The following CCSER1 variants were observed in gnomAD, a reference collection of about 807,000 sequenced individuals.
CCSER1 encodes coiled-coil serine rich protein 1.
In CCSER1, 41 loss-of-function variants were observed where a neutral mutation model predicts 82.0. The ratio of observed to expected loss-of-function variants is 0.50; its 90% CI spans 0.39 to 0.65. The LOEUF (loss-of-function observed/expected upper bound fraction) is 0.65. Among genes scored for constraint, CCSER1 ranks in the 30% least tolerant of loss-of-function variants. The probability of loss-of-function intolerance (pLI) is 0.00; values close to 1 mark genes in which losing one functional copy is unlikely to be tolerated. For missense variants in CCSER1, 1,119 were observed against 1,064.2 expected (o/e 1.05, Z -0.72); for synonymous variants, 414 against 383.9 (o/e 1.08, Z -0.92).
chr4:91,305,888 C>T (rs1745030003), intron 10 of CCSER1, among the ~76,000 whole-genome samples: 1 of 151,800 alleles, frequency 6.6e-6, no homozygotes, highest in Admixed American at 6.6e-5. Context: ...ATAAAACCGT[C>T]AGATCTTGTG....
At chr4:91,178,508 T>A (rs1256709194) in intron 10 of CCSER1, among the ~76,000 whole-genome samples, 1 of 152,216 alleles carries the variant, frequency 6.6e-6, no homozygotes, top group Non-Finnish European at 1.5e-5. Flanking sequence ...TGGGTGCATA[T>A]ATATTTAGGA....
intron 1 of CCSER1, among the ~76,000 whole-genome samples, chr4:90,128,070 G>A (rs1396465029): frequency 1.3e-5 from 2 of 152,074 alleles, no homozygotes; most frequent in East Asian, 1.9e-4. Flanking sequence ...CTCCCAGTGC[G>A]CCGCGTGGCC....
At chr4:91,120,343 C>T (rs1020978847) in intron 10 of CCSER1, among the ~76,000 whole-genome samples, 2 of 151,908 alleles carry the variant, frequency 1.3e-5, no homozygotes, top group African/African-American at 2.4e-5. Flanking sequence ...TATATAATTA[C>T]GTGGTCTTAT....
At chr4:90,195,782 C>T (rs186582404) in intron 1 of CCSER1, among the ~76,000 whole-genome samples, 52 of 152,158 alleles carry the variant, frequency 3.4e-4, no homozygotes, top group Admixed American at 3.9e-4. Flanking sequence ...CCAGAAACTA[C>T]GTTTGGCATT....
At chr4:91,412,016 C>G (rs775348614) in intron 10 of CCSER1, among the ~76,000 whole-genome samples, 3 of 152,090 alleles carry the variant, frequency 2.0e-5, no homozygotes, top group Non-Finnish European at 4.4e-5. Context: ...CCACTTGTAT[C>G]TCTTCACAGC....
At chr4:91,348,894 A>T (rs1453758481) in intron 10 of CCSER1, among the ~76,000 whole-genome samples, 2 of 151,924 alleles carry the variant, frequency 1.3e-5, no homozygotes, top group Admixed American at 6.6e-5. Flanking sequence ...TTGATTTTTT[A>T]AAATTAATTA....
intron 6 of CCSER1, among the ~76,000 whole-genome samples, chr4:90,711,951 G>C (rs188752671): frequency 1.4e-3 from 214 of 151,906 alleles, no homozygotes; most frequent in African/African-American, 5.1e-3. Flanking sequence ...CTGTGAATCT[G>C]TCTGGTCATG....
At chr4:91,079,076 A>G (rs2148793719) in intron 9 of CCSER1, among the ~76,000 whole-genome samples, 1 of 152,302 alleles carries the variant, frequency 6.6e-6, no homozygotes, top group East Asian at 1.9e-4. Context: ...AAATACAGAG[A>G]ACGCCACAAA....
At chr4:91,333,166 T>A (rs1265142452) in intron 10 of CCSER1, among the ~76,000 whole-genome samples, 1 of 151,996 alleles carries the variant, frequency 6.6e-6, no homozygotes, top group Non-Finnish European at 1.5e-5. Flanking sequence ...CATGTTTTTA[T>A]AACATACCAT....
At chr4:91,174,201 C>G (rs996250468) in intron 10 of CCSER1, among the ~76,000 whole-genome samples, 1 of 152,108 alleles carries the variant, frequency 6.6e-6, no homozygotes, top group Non-Finnish European at 1.5e-5. Context: ...TTAAATAACA[C>G]ATTCTATTTT....
chr4:90,688,418 C>A (rs533965536), intron 6 of CCSER1, among the ~76,000 whole-genome samples: 14 of 152,014 alleles, frequency 9.2e-5, no homozygotes, highest in African/African-American at 2.9e-4. Context: ...TAATATATAC[C>A]ACCTTATGTT....
At chr4:91,384,604 T>C (rs1427291499) in intron 10 of CCSER1, among the ~76,000 whole-genome samples, 3 of 152,126 alleles carry the variant, frequency 2.0e-5, no homozygotes, top group South Asian at 2.1e-4. Context: ...ATGTAAACAA[T>C]GAAACAAGTT....
Position 90,843,235 on chromosome 4 carries a change from GA to G in CCSER1, c.2094+27400del, listed in dbSNP as rs5860205. On this transcript the variant is annotated intron_variant, in intron 8 of 10. Coordinates refer to ENST00000509176, the MANE Select transcript of CCSER1 (RefSeq NM_001145065.2). Reference sequence around the variant, plus strand: ...TGTGGTAAGGCTTAAATGAGTCAGTGAAAAAAAAAAGTGTGTGTAACATTGT... The same window carrying G: ...TGTGGTAAGGCTTAAATGAGTCAGTGAAAAAAAAAGTGTGTGTAACATTGT... Among the ~76,000 whole-genome samples the G allele has an allele frequency of 2.2e-4, 33 of 149,968 alleles. No individual in the cohort carries two copies. The East Asian group carries it at 4.3e-3, about 20-fold the overall frequency.
chr4:90,382,301 T>C (rs1749327576), intron 3 of CCSER1, among the ~76,000 whole-genome samples: 1 of 152,080 alleles, frequency 6.6e-6, no homozygotes, highest in Non-Finnish European at 1.5e-5. Flanking sequence ...TGTATATATT[T>C]ATGAATACAT....
chr4:90,300,000 AC>A (rs1560977524), intron 1 of CCSER1, among the ~76,000 whole-genome samples: 1 of 151,964 alleles, frequency 6.6e-6, no homozygotes, highest in Non-Finnish European at 1.5e-5. Context: ...TTTTATTTTC[AC>A]CAAGTATAAT....
chr4:90,145,402 C>T (rs1725616210), intron 1 of CCSER1, among the ~76,000 whole-genome samples: 1 of 152,094 alleles, frequency 6.6e-6, no homozygotes, highest in African/African-American at 2.4e-5. Flanking sequence ...CTTTTTGTGT[C>T]ATATGTTGCT....
At chr4:90,514,090 G>A (rs1403616053) in intron 5 of CCSER1, among the ~76,000 whole-genome samples, 1 of 152,116 alleles carries the variant, frequency 6.6e-6, no homozygotes, top group Non-Finnish European at 1.5e-5. Context: ...GAGAAGTTGA[G>A]ATATTGCAGA....
At chr4:90,582,591 A>C (rs1781525328) in intron 5 of CCSER1, among the ~76,000 whole-genome samples, 1 of 152,214 alleles carries the variant, frequency 6.6e-6, no homozygotes, top group African/African-American at 2.4e-5. Context: ...ACCAATATAC[A>C]GTCAAACACA....
chr4:90,747,786 G>A (rs58042044), intron 7 of CCSER1, among the ~76,000 whole-genome samples: 46,398 of 140,808 alleles, frequency 0.33, 8,715 homozygotes, highest in African/African-American at 0.53. Flanking sequence ...ATATCTCCCA[G>A]TGCTATCCCT....
Sources: allele counts gnomAD v4.1 joint callset (sites outside exome capture counted in the v4.1 genomes callset), GRCh38; gene constraint gnomAD v4.1.1; transcripts MANE v1.5; gene names NCBI Gene and HGNC (gene_info 2026-07-23, HGNC 2026-07-21).